The following TLK1 variants were observed in gnomAD, a reference collection of about 807,000 sequenced individuals.
TLK1 encodes the protein tousled like kinase 1, also known as serine/threonine-protein kinase tousled-like 1.
TLK1 carries 24 observed loss-of-function variants against 105.3 expected under a neutral mutation model. The ratio of observed to expected loss-of-function variants is 0.23; its 90% CI spans 0.17 to 0.32. TLK1 has a LOEUF of 0.32. Ranked by LOEUF, TLK1 falls within the 10% of genes least tolerant of loss-of-function variation. TLK1 has a pLI of 1.00. For synonymous variants in TLK1, 321 were observed against 310.4 expected, an observed-to-expected ratio of 1.03 and a Z score of -0.36; for missense variants, 558 against 910.5, an observed-to-expected ratio of 0.61 and a Z score of 4.98.
intron 20 of TLK1, among the ~76,000 whole-genome samples, 179 bp downstream of exon 20, chr2:170,996,474 A>G (rs1684067294): frequency 2.0e-5 from 3 of 152,232 alleles, no homozygotes; most frequent in South Asian, 2.1e-4. Flanking sequence ...GATAAAAACT[A>G]TAGCAACCAG....
chr2:171,000,563 T>G (rs1197150330), intron 18 of TLK1, among the ~76,000 whole-genome samples: 1 of 152,022 alleles, frequency 6.6e-6, no homozygotes, highest in Non-Finnish European at 1.5e-5. Context: ...TCACTATTCA[T>G]TAAGTGAAAG....
At chr2:171,183,317 G>C (rs1244277128) in intron 1 of TLK1, among the ~76,000 whole-genome samples, 1 of 152,022 alleles carries the variant, frequency 6.6e-6, no homozygotes, top group African/African-American at 2.4e-5. Context: ...CTCTAAACTG[G>C]ATAAGATATA....
chr2:171,194,038 G>C (rs1558986753), intron 1 of TLK1, among the ~76,000 whole-genome samples: 1 of 152,060 alleles, frequency 6.6e-6, no homozygotes, highest in Admixed American at 6.6e-5. Flanking sequence ...TTAATAATGG[G>C]ATTGCCCTTG....
chr2:171,212,446 C>T (rs1194148252), intron 1 of TLK1, among the ~76,000 whole-genome samples: 2 of 151,950 alleles, frequency 1.3e-5, no homozygotes, highest in East Asian at 3.9e-4. Context: ...TTCATTATAC[C>T]TTTGCCTGGG....
At chr2:171,101,624 T>C (rs988797719) in intron 2 of TLK1, among the ~76,000 whole-genome samples, 2 of 152,312 alleles carry the variant, frequency 1.3e-5, no homozygotes, top group Middle Eastern at 3.4e-3. Flanking sequence ...GTCATTTTGA[T>C]GGTATGTTAA....
intron 8 of TLK1, among the ~76,000 whole-genome samples, chr2:171,051,133 C>T (rs911312687): frequency 5.3e-5 from 8 of 152,282 alleles, no homozygotes; most frequent in African/African-American, 1.9e-4. Flanking sequence ...AATCTCAACA[C>T]TGTGTGTGTA....
chr2:171,129,983 A>G (rs1691034364), intron 1 of TLK1, among the ~76,000 whole-genome samples: 2 of 152,292 alleles, frequency 1.3e-5, no homozygotes, highest in South Asian at 4.1e-4. Context: ...GATTCCTAAA[A>G]TTGATTTCTG....
chr2:171,191,244 G>A (rs1256856565), intron 1 of TLK1, among the ~76,000 whole-genome samples: 1 of 151,972 alleles, frequency 6.6e-6, no homozygotes, highest in Non-Finnish European at 1.5e-5. Flanking sequence ...ATAAAATCAG[G>A]ATCTGCCCTT....
intron 18 of TLK1, among the ~76,000 whole-genome samples, chr2:171,001,998 C>T (rs6709077): frequency 0.21 from 32,520 of 151,902 alleles, 3,973 homozygotes; most frequent in Non-Finnish European, 0.28. Flanking sequence ...AGGATGGTCT[C>T]GATCTCTTGA....
At chr2:171,163,744 C>CTT (rs879896490), upstream of TLK1, among the ~76,000 whole-genome samples, 2 of 146,312 alleles carry the variant, frequency 1.4e-5, no homozygotes, top group African/African-American at 5.0e-5. Context: ...ATTCATAGTA[C>CTT]TTTTTTTTTT....
At chr2:171,110,374 C>G (rs1341655381) in intron 2 of TLK1, among the ~76,000 whole-genome samples, 1 of 152,306 alleles carries the variant, frequency 6.6e-6, no homozygotes, top group South Asian at 2.1e-4. Context: ...GAGGCTGAGG[C>G]AGAAGAATCG....
intron 1 of TLK1, among the ~76,000 whole-genome samples, chr2:171,197,703 C>T (rs561617971): frequency 1.4e-4 from 22 of 152,112 alleles, no homozygotes; most frequent in Admixed American, 2.6e-4. Flanking sequence ...GGCTTGAACC[C>T]GGGAGGCAGA....
rs1685091972 is a variant in TLK1 at position 171,014,749 on chromosome 2, G to A, written c.1334+102C>T. 10 of 896,856 alleles carry A rather than the reference G, an allele frequency of 1.1e-5. 1 individual carries two copies. In the South Asian group the frequency reaches 1.6e-4, roughly 15 times the overall value. The allele number at this position is 896,856 out of a possible 1,614,324, so 55.6% of individuals were successfully genotyped here. A position where few individuals can be genotyped will look rare whatever the true frequency, so the allele number is the denominator to read the frequency against. On this transcript the variant is annotated intron_variant, in intron 13 of 20. Transcript: ENST00000431350. ...GGGAAGGACTTTGGATCTTTTCTAA[G>A]TACGATGAGACAACCCAAGAAGGAA...
intron 11 of TLK1, among the ~76,000 whole-genome samples, chr2:171,032,096 A>ACAACAACAAAAGG (rs1686073951): frequency 6.6e-6 from 1 of 152,120 alleles, no homozygotes; most frequent in Non-Finnish European, 1.5e-5. Context: ...AACAACAACA[A>ACAACAACAAAAGG]CAACAACAAA....
chr2:171,062,432 T>C (rs182629503), intron 3 of TLK1, among the ~76,000 whole-genome samples: 30 of 152,344 alleles, frequency 2.0e-4, no homozygotes, highest in African/African-American at 6.7e-4. Flanking sequence ...GAACACATAT[T>C]GTTCCTCTAA....
At chr2:171,158,789 A>G (rs933847124) in intron 1 of TLK1, among the ~76,000 whole-genome samples, 3 of 152,220 alleles carry the variant, frequency 2.0e-5, no homozygotes, top group Non-Finnish European at 4.4e-5. Flanking sequence ...TTCAAGTGCA[A>G]AAGAATCACC....
intron 1 of TLK1, among the ~76,000 whole-genome samples, chr2:171,157,169 G>C (rs1390321801): frequency 6.6e-6 from 1 of 152,148 alleles, no homozygotes; most frequent in Non-Finnish European, 1.5e-5. Flanking sequence ...ATTTATAATT[G>C]GCAGGTTGGA....
chr2:171,103,434 T>G (rs1458857283), intron 2 of TLK1, among the ~76,000 whole-genome samples: 1 of 151,964 alleles, frequency 6.6e-6, no homozygotes, highest in East Asian at 1.9e-4. Flanking sequence ...CGTCCCACCA[T>G]GTCCGGCTAA....
At chr2:171,182,931 A>AGAAAGAAAGAAAGAAAG (rs1692952001) in intron 1 of TLK1, among the ~76,000 whole-genome samples, 1 of 111,894 alleles carries the variant, frequency 8.9e-6, no homozygotes, top group African/African-American at 6.0e-5. Context: ...CCAAAAAAAA[A>AGAAAGAAAGAAAGAAAG]AAAAAAAGAA....
Sources: gnomAD v4.1 joint callset for allele counts (sites outside exome capture counted in the v4.1 genomes callset) on GRCh38, gnomAD v4.1.1 for gene constraint, MANE v1.5 for transcripts, NCBI Gene and HGNC (gene_info 2026-07-23, HGNC 2026-07-21) for gene names.